SPTBN5: variants seen among roughly 807,000 people sequenced by gnomAD.
SPTBN5 encodes spectrin beta chain, non-erythrocytic 5.
In SPTBN5, 513 loss-of-function variants were observed where a neutral mutation model predicts 477.6. The observed-to-expected ratio is 1.07, with a 90% CI of 1.00 to 1.16. The LOEUF is 1.16. SPTBN5 is among the 50% of genes most tolerant of loss of function. SPTBN5 has a pLI of 0.00. For missense variants in SPTBN5, 5,062 were observed against 4,731.8 expected (o/e 1.07, Z -2.05); for synonymous variants, 2,169 against 2,011.7 (o/e 1.08, Z -2.09).
rs2067028337 is a variant in SPTBN5, at chr15:41,883,065, T to C, written c.1823A>G (p.Glu608Gly). 6.3e-7 allele frequency: 1 copy of C among 1,586,548 alleles called. No individual in the cohort carries two copies. Among genetic ancestry groups the C allele is most frequent in the African/African-American group, 1.3e-5 (1 of 74,418 alleles). Reference sequence around the variant, plus strand: ...TGTCCTGGCCTTGGCCTGCAGCACCTCCACACTGGTGCCCAGGGAGGAGTC... The same window carrying C: ...TGTCCTGGCCTTGGCCTGCAGCACCCCCACACTGGTGCCCAGGGAGGAGTC... ...ELDSSLGTSV[E>G]VLQAKARTLA... The change falls in exon 9 of 68, where the codon GAG (glutamate) becomes GGG (glycine). Residue 608 changes from glutamate (E) to glycine (G), a missense_variant. Physicochemically the swap from Glu to Gly is moderately conservative, Grantham distance 98. Coordinates refer to ENST00000320955, the MANE Select transcript of SPTBN5 (RefSeq NM_016642.4).
rs764622357 is a variant in SPTBN5, at chr15:41,857,613, T to C, written c.8324A>G (p.Asn2775Ser). 1.2e-6 allele frequency: 2 copies of C among 1,607,574 alleles called. No homozygotes were observed. The highest frequency in any genetic ancestry group is 1.7e-6 in the Non-Finnish European group (2 of 1,177,216). Reference sequence around the variant, plus strand: ...GAGCTTGGCCACCTTCTTCTGGGAGTTGTCTTGCAGCTCACCCCAGAGTGC... The same window carrying C: ...GAGCTTGGCCACCTTCTTCTGGGAGCTGTCTTGCAGCTCACCCCAGAGTGC... ...LGALWGELQDNSQKKVAKLQK... is the reference protein window; with the variant it reads ...LGALWGELQDSSQKKVAKLQK... The change falls in exon 50 of 68, where the codon AAC (asparagine) becomes AGC (serine). Residue 2775 changes from asparagine to serine, a missense_variant. Asn to Ser is a conservative substitution (Grantham distance 46, BLOSUM62 1). Transcript: ENST00000320955.
At chr15:41,873,661 C>A in intron 25 of SPTBN5, 53 bp from the exon 26 acceptor site, 1 of 1,500,746 alleles carries the variant, frequency 6.7e-7, no homozygotes, top group South Asian at 1.2e-5. Context: ...GACCCTCCGT[C>A]AGCCCTGGAG....
At chr15:41,856,805 G>A in intron 52 of SPTBN5, 48 bp downstream of exon 52, 4 of 1,502,636 alleles carry the variant, frequency 2.7e-6, no homozygotes, top group Non-Finnish European at 3.6e-6. Flanking sequence ...CCTTGGCTGA[G>A]AAGCCCTGCT....
chr15:41,857,305 C>T lies in SPTBN5; in HGVS notation c.8554G>A (p.Ala2852Thr). 2 of 1,569,834 alleles carry T rather than the reference C, an allele frequency of 1.3e-6. No homozygotes were observed. Among genetic ancestry groups the T allele is most frequent in the East Asian group, 2.4e-5 (1 of 42,270 alleles). Reference sequence around the variant, plus strand: ...AGGCAGTGGCCTTCCCTCACAAAGGCCTGGGCCTGGCCCAGCAGTGCCTCA... The same window carrying T: ...AGGCAGTGGCCTTCCCTCACAAAGGTCTGGGCCTGGCCCAGCAGTGCCTCA... ...QAEALLGQAQ[A>T]FVREGHCLAQ... The change falls in exon 51 of 68, where the codon GCC (alanine) becomes ACC (threonine). Residue 2852 changes from alanine (A) to threonine (T), a missense_variant. Ala to Thr is a moderately conservative substitution (Grantham distance 58, BLOSUM62 0). Coordinates refer to ENST00000320955, the MANE Select transcript of SPTBN5 (RefSeq NM_016642.4).
intron 4 of SPTBN5, among the ~76,000 whole-genome samples, 191 bp downstream of exon 4, chr15:41,889,898 C>A (rs1198697489): frequency 1.3e-5 from 2 of 152,202 alleles, no homozygotes; most frequent in Non-Finnish European, 2.9e-5. Context: ...TAGCATATTA[C>A]AATGTTACAA....
chr15:41,882,899 A>C, intron 9 of SPTBN5, 97 bp downstream of exon 9: 1 of 1,382,522 alleles, frequency 7.2e-7, no homozygotes, highest in Non-Finnish European at 9.8e-7. Flanking sequence ...CAGTGTGGAG[A>C]AAACTGGCAG....
Position 41,880,679 on chromosome 15 carries a change from G to A in SPTBN5, c.2658+355C>T, listed in dbSNP as rs552301158. Among the ~76,000 whole-genome samples, 163 of 152,246 alleles carry A rather than the reference G, an allele frequency of 1.1e-3. No individual in the cohort carries two copies. In the South Asian group the frequency reaches 0.021, roughly 19 times the overall value. On this transcript the variant is annotated intron_variant, in intron 13 of 67. Coordinates refer to ENST00000320955, the MANE Select transcript of SPTBN5 (RefSeq NM_016642.4). ...CTCCTCTGGCCATGGCCTCCCCAGC[G>A]TCTGTGCTGCAGGGACCTGGGCCTT...
chr15:41,887,296 AGCGCTCATCTG>A lies in SPTBN5; in HGVS notation c.794_804del (p.Pro265LeufsTer28). 6.4e-7 allele frequency: 1 copy of A among 1,551,182 alleles called. No homozygotes were observed. The highest frequency in any genetic ancestry group is 8.7e-7 in the Non-Finnish European group (1 of 1,146,986). ...TAGAGGGAGACGTAGGTCATGATAGAGCGCTCATCTGGCTGTGCGGCTGCCACGTCCTCGGG... is the reference window on the plus strand; with the variant it reads ...TAGAGGGAGACGTAGGTCATGATAGAGCTGTGCGGCTGCCACGTCCTCGGG... On this transcript the variant is annotated frameshift_variant, in exon 6 of 68. Coordinates refer to ENST00000320955, the MANE Select transcript of SPTBN5 (RefSeq NM_016642.4). LOFTEE classifies it high-confidence loss of function.
chr15:41,851,682 C>A, intron 63 of SPTBN5, 97 bp downstream of exon 63: 1 of 924,228 alleles, frequency 1.1e-6, no homozygotes, highest in South Asian at 1.5e-5. Context: ...TGCCCAAGTT[C>A]ACAGTGCAAG....
chr15:41,876,049 T>C, intron 21 of SPTBN5, 65 bp downstream of exon 21: 1 of 1,538,238 alleles, frequency 6.5e-7, no homozygotes. Flanking sequence ...TGAAAACAGG[T>C]GGTGCAGTAG....
At position 41,877,299 on chromosome 15, in the gene SPTBN5, G is replaced by A. The variant is rs2140952528; in HGVS notation, c.3528C>T (p.Ser1176=). ...CCCTCAGAGTGTTGGGCACCTCTTGGGAGTCTGGGCAGTCCAAGGCTGCCA... is the reference window on the plus strand; with the variant it reads ...CCCTCAGAGTGTTGGGCACCTCTTGAGAGTCTGGGCAGTCCAAGGCTGCCA... The part of the protein sequence containing the change: ...QPMAALDCPD[S]QEVPNTLRVL... The change falls in exon 18 of 68, where the codon TCC becomes TCT. Residue 1176 remains serine, a synonymous_variant. Coordinates refer to ENST00000320955, the MANE Select transcript of SPTBN5 (RefSeq NM_016642.4). The A allele has an allele frequency of 6.2e-7, 1 of 1,613,152 alleles. No individual in the cohort carries two copies. The highest frequency in any genetic ancestry group is 2.2e-5 in the East Asian group (1 of 44,858).
chr15:41,853,266 A>G lies in SPTBN5; in HGVS notation c.10162T>C (p.Ser3388Pro), dbSNP rs2065833116. 1 of 1,603,642 alleles carries G rather than the reference A, an allele frequency of 6.2e-7. No individual in the cohort carries two copies. The highest frequency in any genetic ancestry group is 1.7e-5 in the Admixed American group (1 of 59,700). The stretch of plus-strand genomic sequence containing the variant: ...ACCCTCTGAGTTCACACCTCCGCAG[A>G]CATGAAGTGGCTGTTGTCCACCAGC... Reference protein sequence around the residue: ...QQLVDNSHFMSAEVTECLQEL... With the variant: ...QQLVDNSHFMPAEVTECLQEL... Residue 3388 changes from serine (S) to proline (P), a missense_variant, in exon 59 of 68, where the codon TCT becomes CCT. Coordinates refer to ENST00000320955, the MANE Select transcript of SPTBN5 (RefSeq NM_016642.4).
At position 41,881,076 on chromosome 15, in the gene SPTBN5, G is replaced by A. The variant is rs1239885271; in HGVS notation, c.2616C>T (p.Asp872=). 7 of 1,608,220 alleles carry A rather than the reference G, an allele frequency of 4.4e-6. No homozygotes were observed. Among genetic ancestry groups the A allele is most frequent in the Non-Finnish European group, 5.9e-6 (7 of 1,177,324 alleles). ...GACTCTCATAGTCCTGACTCAAGTGGTCCTGTGTCTGGAGTATAGTGTTGG... is the reference window on the plus strand; with the variant it reads ...GACTCTCATAGTCCTGACTCAAGTGATCCTGTGTCTGGAGTATAGTGTTGG... The part of the protein sequence containing the change: ...FDPNTILQTQ[D]HLSQDYESLR... Residue 872 remains aspartate (D), a synonymous_variant, in exon 13 of 68, where the codon GAC becomes GAT. Coordinates refer to ENST00000320955, the MANE Select transcript of SPTBN5 (RefSeq NM_016642.4).
intron 39 of SPTBN5, among the ~76,000 whole-genome samples, chr15:41,864,270 G>C (rs985858412): frequency 6.6e-6 from 1 of 152,180 alleles, no homozygotes; most frequent in Non-Finnish European, 1.5e-5. Flanking sequence ...CAGAAAATGG[G>C]ATCCCTGCAC....
At position 41,865,811 on chromosome 15, in the gene SPTBN5, GGCCGAGTTTCCTCGGAACTC is replaced by G. The variant is rs771321646; in HGVS notation, c.6895_6914del (p.Glu2299ArgfsTer6). The stretch of plus-strand genomic sequence containing the variant: ...CTACCCAGCAAGGCCCTCTTACCCC[GGCCGAGTTTCCTCGGAACTC>G]GCGGAGCCGCCGTCGGAGCTGCAGG... On this transcript the variant is annotated frameshift_variant, in exon 39 of 68. Coordinates refer to ENST00000320955, the MANE Select transcript of SPTBN5 (RefSeq NM_016642.4). LOFTEE classifies it high-confidence loss of function. 343 of 1,558,416 alleles carry G rather than the reference GGCCGAGTTTCCTCGGAACTC, an allele frequency of 2.2e-4. No individual in the cohort carries two copies. The highest frequency in any genetic ancestry group is 2.9e-4 in the Non-Finnish European group (329 of 1,151,700).
chr15:41,887,098 G>A (rs1016056162), intron 6 of SPTBN5, 115 bp downstream of exon 6: 1 of 881,062 alleles, frequency 1.1e-6, no homozygotes, highest in Non-Finnish European at 1.8e-6. Flanking sequence ...GGTGCACAGT[G>A]AAGTTGGGTG....
rs1337232119 is a variant in SPTBN5 at position 41,893,584 on chromosome 15, G to T, written c.-49-38C>A. 5 of 1,501,984 alleles carry T rather than the reference G, an allele frequency of 3.3e-6. No individual in the cohort carries two copies. The East Asian group carries it at 1.2e-4, about 37-fold the overall frequency. 93.0% of individuals were successfully genotyped at this position (1,501,984 alleles called of 1,614,324 possible). ...CAGATTAGGGGATGATGTGAATGGA[G>T]ATGGCCCCTCTACCAGGGGCCTGGG... On this transcript the variant is annotated intron_variant, in intron 1 of 67. Coordinates refer to ENST00000320955, the MANE Select transcript of SPTBN5 (RefSeq NM_016642.4).
In SPTBN5 at chr15:41,851,341, C is replaced by T. The variant is rs770453483; in HGVS notation, c.10685G>A (p.Arg3562His). Reference sequence around the variant, plus strand: ...CAGAGAGCTGCCCTGCAAGTTCCCGCGGCAGCTGTCCCAGGAGCTCGAGCT... The same window carrying T: ...CAGAGAGCTGCCCTGCAAGTTCCCGTGGCAGCTGTCCCAGGAGCTCGAGCT... ...QPSSSSWDSC[R>H]GNLQGSSLSL... Residue 3562 changes from arginine (R) to histidine (H), a missense_variant, in exon 64 of 68, where the codon CGC (arginine) becomes CAC (histidine). Arg to His is a conservative substitution (Grantham distance 29, BLOSUM62 0). Transcript: ENST00000320955. 29 of 1,550,920 alleles carry T rather than the reference C, an allele frequency of 1.9e-5. No individual in the cohort carries two copies. The highest frequency in any genetic ancestry group is 2.7e-5 in the African/African-American group (2 of 73,076).
In SPTBN5 at chr15:41,893,473, G is replaced by A. The variant is rs551329015; in HGVS notation, c.25C>T (p.Arg9Trp). ...TGCCCTGCAGCCCCGAGGAGCTCCCGGGGACTGTGGGGCTGACCAGCCATC... is the reference window on the plus strand; with the variant it reads ...TGCCCTGCAGCCCCGAGGAGCTCCCAGGGACTGTGGGGCTGACCAGCCATC... MAGQPHSP[R>W]ELLGAAGHRS... Residue 9 changes from arginine (R) to tryptophan (W), a missense_variant, in exon 2 of 68, where the codon CGG (arginine) becomes TGG (tryptophan). Coordinates refer to ENST00000320955, the MANE Select transcript of SPTBN5 (RefSeq NM_016642.4). 61 of 1,593,332 alleles carry A rather than the reference G, an allele frequency of 3.8e-5. 1 individual carries two copies. Among genetic ancestry groups the A allele is most frequent in the Admixed American group, 7.0e-5 (4 of 57,288 alleles).
Sources: allele counts gnomAD v4.1 joint callset (sites outside exome capture counted in the v4.1 genomes callset), GRCh38; gene constraint gnomAD v4.1.1; transcripts MANE v1.5; gene names NCBI Gene and HGNC (gene_info 2026-07-23, HGNC 2026-07-21).